The following KSR1 variants were observed in gnomAD, a reference collection of about 807,000 sequenced individuals.
KSR1 encodes the protein kinase suppressor of ras 1.
Under a neutral mutation model 92.9 loss-of-function variants are expected in KSR1, and 35 were observed. The observed-to-expected ratio is 0.38, with a 90% CI of 0.29 to 0.50. The LOEUF is 0.50. KSR1 is among the 20% of genes least tolerant of loss of function. The pLI is 0.94. For missense variants in KSR1, 972 were observed against 1,158.5 expected (o/e 0.84, Z 2.34); for synonymous variants, 467 against 472.6 (o/e 0.99, Z 0.15).
rs114356243 is a variant in KSR1, at chr17:27,591,941, G to A, written c.1131-420G>A. On this transcript the variant is annotated intron_variant, in intron 7 of 20. Coordinates refer to ENST00000644974, the MANE Select transcript of KSR1 (RefSeq NM_001394583.1). ...CACGGTCCATTGCACAAATGTAGCC[G>A]GAGGGGCTGCCCTTTGGGTCCCTGG... Among the ~76,000 whole-genome samples the A allele has an allele frequency of 3.7e-3, 563 of 152,346 alleles. 1 individual carries two copies. The highest frequency in any genetic ancestry group is 0.013 in the African/African-American group (542 of 41,582).
chr17:27,580,347 T>C (rs924135555), intron 3 of KSR1, among the ~76,000 whole-genome samples: 16 of 152,140 alleles, frequency 1.1e-4, no homozygotes, highest in African/African-American at 3.6e-4. Context: ...GCAACTCCTG[T>C]CTAGTCGGTT....
chr17:27,618,997 G>A lies in KSR1; in HGVS notation c.2627+1569G>A, dbSNP rs9909749. On this transcript the variant is annotated intron_variant, in intron 19 of 20. Coordinates refer to ENST00000644974, the MANE Select transcript of KSR1 (RefSeq NM_001394583.1). Reference sequence around the variant, plus strand: ...AGGCGTGAGCCACTGCGCCCGGCCAGTTATAAACTTTAAGGAAAAGGACAC... The same window carrying A: ...AGGCGTGAGCCACTGCGCCCGGCCAATTATAAACTTTAAGGAAAAGGACAC... Among the ~76,000 whole-genome samples the A allele has an allele frequency of 1.7e-3, 262 of 152,008 alleles. 1 individual carries two copies. Among genetic ancestry groups the A allele is most frequent in the African/African-American group, 5.5e-3 (229 of 41,438 alleles).
chr17:27,588,609 C>T (rs2073058600), intron 6 of KSR1, 74 bp downstream of exon 6: 7 of 1,336,004 alleles, frequency 5.2e-6, no homozygotes, highest in Middle Eastern at 2.2e-4. Context: ...GAGTTCTGGT[C>T]ACTGTTTCTC....
At chr17:27,570,913 T>C (rs1439943862) in intron 2 of KSR1, among the ~76,000 whole-genome samples, 1 of 152,216 alleles carries the variant, frequency 6.6e-6, no homozygotes. Flanking sequence ...ATTTTTAAAG[T>C]CCCTGGAAAA....
intron 1 of KSR1, among the ~76,000 whole-genome samples, chr17:27,497,274 G>T (rs1378472570): frequency 6.6e-6 from 1 of 152,248 alleles, no homozygotes; most frequent in East Asian, 1.9e-4. Context: ...TGAAGCTGGG[G>T]AAGATTGAAT....
chr17:27,590,190 C>T (rs2073114443), intron 6 of KSR1, among the ~76,000 whole-genome samples: 1 of 152,230 alleles, frequency 6.6e-6, no homozygotes, highest in Admixed American at 6.5e-5. Context: ...TTACTATTCA[C>T]TTCTATTGTC....
intron 1 of KSR1, among the ~76,000 whole-genome samples, chr17:27,524,434 A>G (rs915377584): frequency 6.6e-5 from 10 of 152,200 alleles, no homozygotes; most frequent in African/African-American, 2.4e-4. Flanking sequence ...GCTGAAGAGA[A>G]AGTATTTATT....
intron 1 of KSR1, among the ~76,000 whole-genome samples, chr17:27,539,254 G>T (rs1465981341): frequency 6.6e-6 from 1 of 152,194 alleles, no homozygotes; most frequent in African/African-American, 2.4e-5. Context: ...TGCCCTGTGG[G>T]CCTGGTGACC....
In KSR1 at chr17:27,562,327, G is replaced by C. The variant is rs1045109989; in HGVS notation, c.372+11619G>C. On this transcript the variant is annotated intron_variant, in intron 2 of 20. Transcript: ENST00000644974. ...TTGGATTCAAATAACATTATCCAAA[G>C]AATTTTGGTCTCTTGGCCCAAGGCG... Among the ~76,000 whole-genome samples the C allele has an allele frequency of 2.0e-5, 3 of 152,256 alleles. 1 individual carries two copies. The South Asian group carries it at 6.2e-4, about 31-fold the overall frequency.
intron 2 of KSR1, among the ~76,000 whole-genome samples, chr17:27,563,142 C>T (rs1229967006): frequency 1.3e-5 from 2 of 152,174 alleles, no homozygotes; most frequent in Admixed American, 6.5e-5. Flanking sequence ...TTGCAGTTTC[C>T]CCATTCGCTC....
intron 5 of KSR1, 64 bp downstream of exon 5, chr17:27,585,725 T>C (rs757845720): frequency 2.7e-6 from 2 of 735,306 alleles, no homozygotes; most frequent in Non-Finnish European, 5.1e-6. Context: ...GCTGTCCCCA[T>C]CGGGGGTGGA....
chr17:27,601,329 G>A (rs372205341), intron 10 of KSR1, 31 bp from the exon 11 acceptor site: 1 of 1,604,718 alleles, frequency 6.2e-7, no homozygotes, highest in Non-Finnish European at 8.5e-7. Context: ...GCCGTTCTGT[G>A]TGTGTGACTC....
chr17:27,605,409 C>A, intron 13 of KSR1, 25 bp from the exon 14 acceptor site: 1 of 1,600,106 alleles, frequency 6.2e-7, no homozygotes. Context: ...GCTGCCCATC[C>A]CTGTTCTTCC....
At chr17:27,601,899 C>T (rs1321196745) in intron 11 of KSR1, 16 of 1,608,986 alleles carry the variant, frequency 9.9e-6, no homozygotes, top group African/African-American at 4.0e-5. Flanking sequence ...ACAGTGCCAT[C>T]TGCTGGCCAT....
intron 1 of KSR1, among the ~76,000 whole-genome samples, chr17:27,464,291 G>A (rs2019576669): frequency 6.6e-6 from 1 of 152,238 alleles, no homozygotes; most frequent in African/African-American, 2.4e-5. Flanking sequence ...TTGAAGGTCA[G>A]TCTGCTCAGT....
At chr17:27,528,315 C>T (rs1030956851) in intron 1 of KSR1, among the ~76,000 whole-genome samples, 2 of 152,182 alleles carry the variant, frequency 1.3e-5, no homozygotes, top group African/African-American at 2.4e-5. Context: ...GATCTGCCCA[C>T]CTCAACCTCC....
At chr17:27,548,266 T>C (rs1200184791) in intron 1 of KSR1, among the ~76,000 whole-genome samples, 1 of 149,038 alleles carries the variant, frequency 6.7e-6, no homozygotes, top group Non-Finnish European at 1.5e-5. Context: ...AAAAAAGAAA[T>C]AAATGAAAGT....
intron 1 of KSR1, among the ~76,000 whole-genome samples, chr17:27,477,998 G>T (rs771583125): frequency 6.6e-6 from 1 of 152,144 alleles, no homozygotes; most frequent in Non-Finnish European, 1.5e-5. Flanking sequence ...ATTACAAGGC[G>T]TGAGGCACCA....
intron 1 of KSR1, among the ~76,000 whole-genome samples, chr17:27,535,914 T>A (rs1023117086): frequency 2.0e-5 from 3 of 152,214 alleles, no homozygotes; most frequent in African/African-American, 7.2e-5. Context: ...CCTAGTGACA[T>A]GACTGTCCAT....
Sources: allele counts gnomAD v4.1 joint callset (sites outside exome capture counted in the v4.1 genomes callset), GRCh38; gene constraint gnomAD v4.1.1; transcripts MANE v1.5; gene names NCBI Gene and HGNC (gene_info 2026-07-23, HGNC 2026-07-21).